The following ARMC9 variants were observed in gnomAD, a reference collection of about 807,000 sequenced individuals.
The protein encoded by ARMC9 is armadillo repeat containing 9.
ARMC9 carries 94 observed loss-of-function variants against 107.0 expected under a neutral mutation model. The ratio of observed to expected loss-of-function variants is 0.88; its 90% CI spans 0.74 to 1.04. The LOEUF (loss-of-function observed/expected upper bound fraction) is 1.04, where lower values mean the gene tolerates loss of function less well. ARMC9 is among the 50% of genes least tolerant of loss of function. The probability of loss-of-function intolerance (pLI) is 0.00; values close to 1 mark genes in which losing one functional copy is unlikely to be tolerated. For synonymous variants in ARMC9, 380 were observed against 396.9 expected, an observed-to-expected ratio of 0.96 and a Z score of 0.51; for missense variants, 942 against 1,030.1, an observed-to-expected ratio of 0.91 and a Z score of 1.17.
chr2:231,286,822 A>G (rs776430766), intron 17 of ARMC9, among the ~76,000 whole-genome samples: 13 of 152,362 alleles, frequency 8.5e-5, no homozygotes, highest in East Asian at 1.9e-4. Context: ...ACCAAATGCT[A>G]TTATAGTAAT....
At chr2:231,308,746 A>T (rs571656477) in intron 19 of ARMC9, among the ~76,000 whole-genome samples, 48 of 152,332 alleles carry the variant, frequency 3.2e-4, no homozygotes, top group African/African-American at 1.2e-3. Context: ...ACGCAGAGAC[A>T]TACTGTTGAG....
In ARMC9 at chr2:231,206,170, G is replaced by A. The variant is rs549909191; in HGVS notation, c.-41-28G>A. 2.9e-6 allele frequency: 4 copies of A among 1,356,298 alleles called. No homozygotes were observed. The African/African-American group carries it at 5.7e-5, about 19-fold the overall frequency. 84.0% of individuals were successfully genotyped at this position (1,356,298 alleles called of 1,614,324 possible). ...AGTTTCATAGGTGGTTGAAATGAAA[G>A]CTGTTGTCTTGTATTTTTGCCTTCT... is the stretch of plus-strand genomic sequence containing the variant. On this transcript the variant is annotated intron_variant, in intron 1 of 24. Coordinates refer to ENST00000611582, the MANE Select transcript of ARMC9 (RefSeq NM_001352754.2).
chr2:231,286,432 G>T (rs894444532), intron 17 of ARMC9, among the ~76,000 whole-genome samples: 1 of 152,176 alleles, frequency 6.6e-6, no homozygotes, highest in Non-Finnish European at 1.5e-5. Context: ...GTATTTGTAT[G>T]TGTGTCAGCA....
At chr2:231,276,381 G>A (rs1318296491) in intron 14 of ARMC9, among the ~76,000 whole-genome samples, 2 of 150,886 alleles carry the variant, frequency 1.3e-5, no homozygotes, top group Non-Finnish European at 2.9e-5. Context: ...AGCAATTCTC[G>A]TGCCTCAGCC....
rs1442100397 is a variant in ARMC9 at position 231,345,001 on chromosome 2, G to A, written c.1905G>A (p.Arg635=). The part of the protein sequence containing the change: ...LGIMTNTGKT[R]RKGLANVQWS... ...TCATGACCAACACGGGGAAGACAAG[G>A]CGGAAGGGGCTGGCTAATGTGCAGT... Residue 635 remains arginine, a synonymous_variant, in exon 21 of 25, where the codon AGG becomes AGA. Transcript: ENST00000611582. 1.9e-6 allele frequency: 3 copies of A among 1,613,948 alleles called. No individual in the cohort carries two copies. Among genetic ancestry groups the A allele is most frequent in the African/African-American group, 1.3e-5 (1 of 74,900 alleles).
intron 19 of ARMC9, among the ~76,000 whole-genome samples, chr2:231,321,468 T>C (rs768510302): frequency 6.6e-6 from 1 of 152,204 alleles, no homozygotes; most frequent in Non-Finnish European, 1.5e-5. Flanking sequence ...TTAAGATTCA[T>C]CTAAACAGTA....
At chr2:231,346,317 C>T (rs1397771012) in intron 21 of ARMC9, among the ~76,000 whole-genome samples, 5 of 151,728 alleles carry the variant, frequency 3.3e-5, no homozygotes, top group Admixed American at 2.6e-4. Context: ...GTCAGGAGAT[C>T]GAGACCATCC....
chr2:231,287,736 C>T (rs1039092772), intron 17 of ARMC9, among the ~76,000 whole-genome samples: 18 of 152,262 alleles, frequency 1.2e-4, no homozygotes, highest in Non-Finnish European at 8.8e-5. Flanking sequence ...TGAGTCACCA[C>T]GCCTGGCCTA....
intron 19 of ARMC9, among the ~76,000 whole-genome samples, chr2:231,300,737 G>A (rs1478810710): frequency 6.6e-6 from 1 of 152,166 alleles, no homozygotes; most frequent in Non-Finnish European, 1.5e-5. Context: ...TTACCTTCTT[G>A]TGAGACATAC....
chr2:231,331,776 C>T lies in ARMC9; in HGVS notation c.1774-17C>T. On this transcript the variant is annotated splice_polypyrimidine_tract_variant and intron_variant, in intron 19 of 24. Coordinates refer to ENST00000611582, the MANE Select transcript of ARMC9 (RefSeq NM_001352754.2). ...GTCAGGGTGTCCATGGCATTCACCC[C>T]ATGTCTCCTGAAACAGGAGGACCAT... is the stretch of plus-strand genomic sequence containing the variant. 2 of 1,609,190 alleles carry T rather than the reference C, an allele frequency of 1.2e-6. No homozygotes were observed. Among genetic ancestry groups the T allele is most frequent in the African/African-American group, 1.3e-5 (1 of 74,950 alleles).
At chr2:231,248,264 C>G (rs933663448) in intron 9 of ARMC9, among the ~76,000 whole-genome samples, 1 of 152,198 alleles carries the variant, frequency 6.6e-6, no homozygotes, top group Non-Finnish European at 1.5e-5. Context: ...TTCAGGCTCT[C>G]CATAGTTCCC....
intron 9 of ARMC9, among the ~76,000 whole-genome samples, chr2:231,254,252 A>G (rs939634601): frequency 1.3e-5 from 2 of 152,238 alleles, no homozygotes; most frequent in African/African-American, 4.8e-5. Flanking sequence ...ACTGAAATCC[A>G]TGAAAACAAT....
rs147787893 is a variant in ARMC9 at position 231,273,923 on chromosome 2, C to T, written c.1334+845C>T. Among the ~76,000 whole-genome samples the T allele has an allele frequency of 1.2e-4, 19 of 152,232 alleles. No homozygotes were observed. The East Asian group carries it at 3.3e-3, about 26-fold the overall frequency. On this transcript the variant is annotated intron_variant, in intron 14 of 24. Coordinates refer to ENST00000611582, the MANE Select transcript of ARMC9 (RefSeq NM_001352754.2). ...ACTCCTCATTCCTACCCCCAGTCCCCGGTAGCCACAAATCTGCTTTCTGTC... is the reference window on the plus strand; with the variant it reads ...ACTCCTCATTCCTACCCCCAGTCCCTGGTAGCCACAAATCTGCTTTCTGTC...
chr2:231,336,080 T>A (rs761680640), intron 20 of ARMC9, among the ~76,000 whole-genome samples: 15 of 151,730 alleles, frequency 9.9e-5, no homozygotes, highest in Non-Finnish European at 1.9e-4. Flanking sequence ...ATAAATAAAT[T>A]ATTATTATAA....
At chr2:231,312,388 A>C (rs115560270) in intron 19 of ARMC9, among the ~76,000 whole-genome samples, 2,633 of 152,340 alleles carry the variant, frequency 0.017, 33 homozygotes, top group Middle Eastern at 0.027. Context: ...CTACTGTCAA[A>C]GTCACAAGGC....
At chr2:231,219,974 C>T (rs537160782) in intron 5 of ARMC9, among the ~76,000 whole-genome samples, 4 of 152,232 alleles carry the variant, frequency 2.6e-5, no homozygotes, top group East Asian at 1.9e-4. Context: ...AGACTATAGG[C>T]GTGCGCCACC....
rs1013392572 is a variant in ARMC9, at chr2:231,375,121, C to T, written c.*3586C>T. Among the ~76,000 whole-genome samples, 8 of 152,194 alleles carry T rather than the reference C, an allele frequency of 5.3e-5. No individual in the cohort carries two copies. The highest frequency in any genetic ancestry group is 8.8e-5 in the Non-Finnish European group (6 of 68,032). ...GTATTAGCTTTATAATGATTTGGAT[C>T]AGTGATGGGGGCTGGGCACGGACAG... On this transcript the variant is annotated 3_prime_UTR_variant, in exon 25 of 25. Coordinates refer to ENST00000611582, the MANE Select transcript of ARMC9 (RefSeq NM_001352754.2). The surrounding 1 kb of genome is among the most constrained non-coding windows in gnomAD (Gnocchi z 4.3).
intron 21 of ARMC9, among the ~76,000 whole-genome samples, chr2:231,350,463 G>A (rs886453865): frequency 6.6e-6 from 1 of 151,790 alleles, no homozygotes; most frequent in Non-Finnish European, 1.5e-5. Context: ...TTCCTTGCTA[G>A]GAGAAACCTG....
intron 16 of ARMC9, among the ~76,000 whole-genome samples, chr2:231,280,951 A>G (rs1186412451): frequency 6.6e-6 from 1 of 152,206 alleles, no homozygotes; most frequent in African/African-American, 2.4e-5. Context: ...CTTGGCAAGC[A>G]TTGAAAGTGC....
Sources: allele counts gnomAD v4.1 joint callset (sites outside exome capture counted in the v4.1 genomes callset), GRCh38; gene constraint gnomAD v4.1.1; non-coding constraint Gnocchi (gnomAD v3.1); transcripts MANE v1.5; gene names NCBI Gene and HGNC (gene_info 2026-07-23, HGNC 2026-07-21).